The following ZBTB33 variants were observed in gnomAD, a reference collection of about 807,000 sequenced individuals.
The protein encoded by ZBTB33 is transcriptional regulator Kaiso.
A neutral mutation model predicts 25.9 loss-of-function variants in ZBTB33; 11 were observed. The observed-to-expected ratio is 0.42, with a 90% CI of 0.27 to 0.70. The LOEUF is 0.70. ZBTB33 is among the 30% of genes least tolerant of loss of function. ZBTB33 has a pLI of 0.23. For missense variants in ZBTB33, 343 were observed against 501.1 expected, an observed-to-expected ratio of 0.68 and a Z score of 3.01; for synonymous variants, 157 against 184.8, an observed-to-expected ratio of 0.85 and a Z score of 1.22.
chrX:120,257,206 A>G lies in ZBTB33; in HGVS notation c.*1772A>G, dbSNP rs1407013838. 8.1e-6 allele frequency: 1 copy of G among 122,958 alleles called. No individual in the cohort carries two copies. The highest frequency in any genetic ancestry group is 9.5e-5 in the Admixed American group (1 of 10,526). The allele number at this position is 122,958 out of a possible 1,213,427, so 10.1% of individuals were successfully genotyped here. ...CTGGGAAATTTGAAATTACCTGATA[A>G]CTTAAGACTCTGTGATCTCTGGAAT... On this transcript the variant is annotated 3_prime_UTR_variant, in exon 3 of 3. Transcript: ENST00000557385.
rs1434885066 is a variant in ZBTB33, at chrX:120,250,911, T to C, written c.-171T>C. 1 of 113,048 alleles carries C rather than the reference T, an allele frequency of 8.8e-6. No individual in the cohort carries two copies. The highest frequency in any genetic ancestry group is 1.9e-5 in the Non-Finnish European group (1 of 53,502). The allele number at this position is 113,048 out of a possible 1,213,427, so 9.3% of individuals were successfully genotyped here. Reference sequence around the variant, plus strand: ...CAGAATCGCTGGGGAGTGCGGCTTCTTCTTGTTGGGGGACTCCCAGCCTTC... The same window carrying C: ...CAGAATCGCTGGGGAGTGCGGCTTCCTCTTGTTGGGGGACTCCCAGCCTTC... On this transcript the variant is annotated 5_prime_UTR_variant, in exon 1 of 3. Transcript: ENST00000557385.
At chrX:120,251,269 C>A (rs1397987043) in intron 1 of ZBTB33, among the ~76,000 whole-genome samples, 1 of 110,892 alleles carries the variant, frequency 9.0e-6, no homozygotes, top group African/African-American at 3.3e-5. Context: ...TTTCCCTCGC[C>A]CCTCTCGCTG....
chrX:120,256,491 G>A lies in ZBTB33; in HGVS notation c.*1057G>A, dbSNP rs1469903835. The A allele has an allele frequency of 2.5e-5, 3 of 121,577 alleles. No homozygotes were observed. Among genetic ancestry groups the A allele is most frequent in the Non-Finnish European group, 3.8e-5 (2 of 52,687 alleles). The allele number at this position is 121,577 out of a possible 1,213,427, so 10.0% of individuals were successfully genotyped here. ...ATCAGTGATCTAGTATTTTCCTTTC[G>A]GCAAGATTTGTTAGGTTTTTACCCC... is the stretch of plus-strand genomic sequence containing the variant. On this transcript the variant is annotated 3_prime_UTR_variant, in exon 3 of 3. Coordinates refer to ENST00000557385, the MANE Select transcript of ZBTB33 (RefSeq NM_001184742.2).
Position 120,254,893 on chromosome X carries a change from A to G in ZBTB33, c.1478A>G (p.Tyr493Cys), listed in dbSNP as rs781817851. The G allele has an allele frequency of 3.0e-5, 36 of 1,210,604 alleles. No homozygotes were observed. Among genetic ancestry groups the G allele is most frequent in the Non-Finnish European group, 2.8e-5 (25 of 895,334 alleles). ...GAGTTAATAGTAGATGGAAGGGTCT[A>G]TTATATCTGTATTGTATGCAAAAGG... ...HYELIVDGRV[Y>C]YICIVCKRSY... Residue 493 changes from tyrosine (Y) to cysteine (C), a missense_variant, in exon 3 of 3, where the codon TAT (tyrosine) becomes TGT (cysteine). Transcript: ENST00000557385.
chrX:120,254,501 C>T lies in ZBTB33; in HGVS notation c.1086C>T (p.Ser362=). The change falls in exon 3 of 3, where the codon TCC becomes TCT. Residue 362 remains serine (S), a synonymous_variant. Transcript: ENST00000557385. ...CTTTGGTCCCACAGGCTGATACCTC[C>T]CAAAATACCAGTTTTGATGGATCAT... ...NTSLVPQADT[S]QNTSFDGSLI... The T allele has an allele frequency of 4.1e-6, 5 of 1,211,693 alleles. No homozygotes were observed. The highest frequency in any genetic ancestry group is 5.6e-6 in the Non-Finnish European group (5 of 895,482).
At chrX:120,251,000 G>C (rs1240062548) in intron 1 of ZBTB33, 23 bp downstream of exon 1, 1 of 113,079 alleles carries the variant, frequency 8.8e-6, no homozygotes, top group East Asian at 2.8e-4. Flanking sequence ...CCCCAATCAG[G>C]GAGGGGGCGA....
chrX:120,252,761 A>G lies in ZBTB33; in HGVS notation c.-12A>G, dbSNP rs1055864206. On this transcript the variant is annotated 5_prime_UTR_variant, in exon 2 of 3. Transcript: ENST00000557385. ...GGGGAAGGGACAAGGGGATGAAGAA[A>G]GAGGAAAGGGTAAGAAAGATGTTTA... 8.9e-6 allele frequency: 1 copy of G among 112,043 alleles called. No individual in the cohort carries two copies. The highest frequency in any genetic ancestry group is 1.9e-5 in the Non-Finnish European group (1 of 53,217). 9.2% of individuals were successfully genotyped at this position (112,043 alleles called of 1,213,427 possible).
At position 120,250,906 on chromosome X, in the gene ZBTB33, GCTT is replaced by G. The variant is rs1346473791; in HGVS notation, c.-169_-167del. ...AGGGGCAGAATCGCTGGGGAGTGCG[GCTT>G]CTTCTTGTTGGGGGACTCCCAGCCT... On this transcript the variant is annotated 5_prime_UTR_variant, in exon 1 of 3. Coordinates refer to ENST00000557385, the MANE Select transcript of ZBTB33 (RefSeq NM_001184742.2). The G allele has an allele frequency of 8.8e-6, 1 of 113,204 alleles. No homozygotes were observed. The highest frequency in any genetic ancestry group is 1.9e-5 in the Non-Finnish European group (1 of 53,541). 9.3% of individuals were successfully genotyped at this position (113,204 alleles called of 1,213,427 possible).
At position 120,257,188 on chromosome X, in the gene ZBTB33, A is replaced by T. The variant is rs2057644225; in HGVS notation, c.*1754A>T. ...CCATTTGTAAACTAACCCCTGGGAA[A>T]TTTGAAATTACCTGATAACTTAAGA... On this transcript the variant is annotated 3_prime_UTR_variant, in exon 3 of 3. Coordinates refer to ENST00000557385, the MANE Select transcript of ZBTB33 (RefSeq NM_001184742.2). 8.1e-6 allele frequency: 1 copy of T among 123,025 alleles called. No homozygotes were observed. The highest frequency in any genetic ancestry group is 9.5e-5 in the Admixed American group (1 of 10,553). 10.1% of individuals were successfully genotyped at this position (123,025 alleles called of 1,213,427 possible).
intron 1 of ZBTB33, among the ~76,000 whole-genome samples, chrX:120,252,359 T>C (rs782560253): frequency 8.8e-4 from 98 of 110,866 alleles, no homozygotes; most frequent in Non-Finnish European, 1.6e-3. Context: ...ATTATATATT[T>C]TTAATATATG....
In ZBTB33 at chrX:120,254,906, T is replaced by C. The variant is rs1424890827; in HGVS notation, c.1491T>C (p.Ile497=). ...ATGGAAGGGTCTATTATATCTGTATTGTATGCAAAAGGTCATATGTCTGTC... is the reference window on the plus strand; with the variant it reads ...ATGGAAGGGTCTATTATATCTGTATCGTATGCAAAAGGTCATATGTCTGTC... The part of the protein sequence containing the change: ...IVDGRVYYIC[I]VCKRSYVCLT... Residue 497 remains isoleucine (I), a synonymous_variant, in exon 3 of 3, where the codon ATT becomes ATC. Transcript: ENST00000557385. The C allele has an allele frequency of 2.5e-6, 3 of 1,210,588 alleles. No homozygotes were observed. The African/African-American group carries it at 5.2e-5, about 21-fold the overall frequency.
At chrX:120,252,611 A>G (rs1472276370) in intron 1 of ZBTB33, 58 bp from the exon 2 acceptor site, 1 of 112,143 alleles carries the variant, frequency 8.9e-6, no homozygotes, top group Non-Finnish European at 1.9e-5. Flanking sequence ...TTTTCTTGGA[A>G]GTGGGCATTT....
chrX:120,255,510 G>A lies in ZBTB33; in HGVS notation c.*76G>A. ...TCAGAAGATCTGTAAAACAAATTAA[G>A]GTGCGAACAAGTTAATTTGATCTGC... On this transcript the variant is annotated 3_prime_UTR_variant, in exon 3 of 3. Coordinates refer to ENST00000557385, the MANE Select transcript of ZBTB33 (RefSeq NM_001184742.2). 1 of 838,235 alleles carries A rather than the reference G, an allele frequency of 1.2e-6. No individual in the cohort carries two copies. Among genetic ancestry groups the A allele is most frequent in the Non-Finnish European group, 1.7e-6 (1 of 592,909 alleles). The allele number at this position is 838,235 out of a possible 1,213,427, so 69.1% of individuals were successfully genotyped here.
rs1292210710 is a variant in ZBTB33, at chrX:120,256,964, C to A, written c.*1530C>A. On this transcript the variant is annotated 3_prime_UTR_variant, in exon 3 of 3. Coordinates refer to ENST00000557385, the MANE Select transcript of ZBTB33 (RefSeq NM_001184742.2). Reference sequence around the variant, plus strand: ...TTGACTTTGAACTTAAAGCTTTAATCATAATTTCTCATGTATACATCGTTC... The same window carrying A: ...TTGACTTTGAACTTAAAGCTTTAATAATAATTTCTCATGTATACATCGTTC... 1.6e-5 allele frequency: 2 copies of A among 122,583 alleles called. No homozygotes were observed. The highest frequency in any genetic ancestry group is 3.8e-5 in the Non-Finnish European group (2 of 52,988). 10.1% of individuals were successfully genotyped at this position (122,583 alleles called of 1,213,427 possible).
Position 120,253,824 on chromosome X carries a change from C to A in ZBTB33, c.409C>A (p.Pro137Thr), listed in dbSNP as rs2057615806. Residue 137 changes from proline (P) to threonine (T), a missense_variant, in exon 3 of 3, where the codon CCT becomes ACT. This residue lies in a region of ZBTB33 where 304 missense variants were observed against 410.0 expected (regional missense o/e 0.74). Transcript: ENST00000557385. The stretch of plus-strand genomic sequence containing the variant: ...TACAGCGCAGGATGGTAATACTGAG[C>A]CTTTACCTCCTGATTCTGGTGACAA... The part of the protein sequence containing the change: ...SGTAQDGNTE[P>T]LPPDSGDKNL... 1.7e-6 allele frequency: 2 copies of A among 1,210,927 alleles called. No individual in the cohort carries two copies.
In ZBTB33 at chrX:120,251,964, G is replaced by T. The variant is rs782644690; in HGVS notation, c.-104-705G>T. ...TTTCCACTTAATATCGACTTCTGTC[G>T]AAATGCCCGTATTTCGGAAGCCCTG... On this transcript the variant is annotated intron_variant, in intron 1 of 2. Transcript: ENST00000557385. 5.3e-5 allele frequency among the ~76,000 whole-genome samples: 6 copies of T among 112,811 alleles called. No homozygotes were observed. In the South Asian group the frequency reaches 2.2e-3, roughly 41 times the overall value.
At chrX:120,251,404 C>G (rs917122546) in intron 1 of ZBTB33, among the ~76,000 whole-genome samples, 6 of 110,744 alleles carry the variant, frequency 5.4e-5, no homozygotes, top group Admixed American at 2.8e-4. Context: ...TTCATCCCCC[C>G]CCCAACACCC....
intron 2 of ZBTB33, 63 bp from the exon 3 acceptor site, chrX:120,253,351 A>T: frequency 1.0e-6 from 1 of 991,126 alleles, no homozygotes; most frequent in Non-Finnish European, 1.4e-6. Context: ...CTTAAATTCT[A>T]AATAAGTACT....
chrX:120,256,857 T>G lies in ZBTB33; in HGVS notation c.*1423T>G. The stretch of plus-strand genomic sequence containing the variant: ...TTGTTGTGCATAGTTATTAGTCATT[T>G]GTAACCTTGCTTAAGTATTTCTTAG... On this transcript the variant is annotated 3_prime_UTR_variant, in exon 3 of 3. Coordinates refer to ENST00000557385, the MANE Select transcript of ZBTB33 (RefSeq NM_001184742.2). 8.0e-6 allele frequency: 1 copy of G among 124,457 alleles called. No individual in the cohort carries two copies. 10.3% of individuals were successfully genotyped at this position (124,457 alleles called of 1,213,427 possible).
Sources: allele counts gnomAD v4.1 joint callset (sites outside exome capture counted in the v4.1 genomes callset), GRCh38; gene constraint gnomAD v4.1.1; regional missense constraint gnomAD v4.1.1; transcripts MANE v1.5; gene names NCBI Gene and HGNC (gene_info 2026-07-23, HGNC 2026-07-21).